Variants in TRAF2 observed in about 807,000 individuals in gnomAD.
TRAF2 encodes the protein TNF receptor associated factor 2.
In TRAF2, 6 loss-of-function variants were observed where a neutral mutation model predicts 55.6. That is an observed-to-expected ratio of 0.11 (90% CI 0.06 to 0.21). TRAF2 has a LOEUF of 0.21. Ranked by LOEUF, TRAF2 falls within the 10% of genes least tolerant of loss-of-function variation. The pLI is 1.00. For synonymous variants in TRAF2, 329 were observed against 276.3 expected, an observed-to-expected ratio of 1.19 and a Z score of -1.89; for missense variants, 561 against 684.5, an observed-to-expected ratio of 0.82 and a Z score of 2.01.
chr9:136,884,806 C>T (rs566805725), upstream of TRAF2, among the ~76,000 whole-genome samples: 1 of 152,364 alleles, frequency 6.6e-6, no homozygotes, highest in Non-Finnish European at 1.5e-5. Flanking sequence ...AAGCGGTCCT[C>T]CTGCCTCAGC....
Position 136,904,836 on chromosome 9 carries a change from G to A in TRAF2, c.367-3234G>A, listed in dbSNP as rs563388395. Among the ~76,000 whole-genome samples, 10 of 148,772 alleles carry A rather than the reference G, an allele frequency of 6.7e-5. No individual in the cohort carries two copies. In the South Asian group the frequency reaches 2.1e-3, roughly 32 times the overall value. ...CTTGATGGTGGCTTGTTACACACTA[G>A]TGTGGCCGAGGGCTGGGTCCTGTCC... On this transcript the variant is annotated intron_variant, in intron 4 of 10. Coordinates refer to ENST00000247668, the MANE Select transcript of TRAF2 (RefSeq NM_021138.4).
chr9:136,894,350 T>C (rs759099897), intron 1 of TRAF2, among the ~76,000 whole-genome samples: 1 of 151,502 alleles, frequency 6.6e-6, no homozygotes, highest in Non-Finnish European at 1.5e-5. Flanking sequence ...TGGCTGGTAG[T>C]GGCCCTTTTT....
chr9:136,923,996 A>G lies in TRAF2; in HGVS notation c.1283A>G (p.Gln428Arg). ...NDALLRWPFN[Q>R]KVTLMLLDQN... ...GCCCTGCTGCGGTGGCCCTTCAACC[A>G]GAAGGTGAGGCCGTCCCTGCAGGCT... Residue 428 changes from glutamine (Q) to arginine (R), a missense_variant, in exon 10 of 11, where the codon CAG (glutamine) becomes CGG (arginine). Gln to Arg is a conservative substitution (Grantham distance 43, BLOSUM62 1). Around this residue, in one of 2 missense-constraint regions of TRAF2, gnomAD observed 135 missense variants for 207.7 expected, o/e 0.65. Transcript: ENST00000247668. The G allele has an allele frequency of 1.2e-6, 2 of 1,613,080 alleles. No individual in the cohort carries two copies. Among genetic ancestry groups the G allele is most frequent in the Non-Finnish European group, 1.7e-6 (2 of 1,179,906 alleles).
At chr9:136,916,438 G>C in intron 6 of TRAF2, 103 bp from the exon 7 acceptor site, 1 of 1,188,262 alleles carries the variant, frequency 8.4e-7, no homozygotes, top group African/African-American at 1.5e-5. Flanking sequence ...GAGGCCAACG[G>C]GGCAGGTCAT....
intron 4 of TRAF2, among the ~76,000 whole-genome samples, chr9:136,905,625 C>T (rs984463063): frequency 3.9e-5 from 6 of 152,208 alleles, no homozygotes; most frequent in African/African-American, 1.4e-4. Flanking sequence ...GAAGAAACAG[C>T]AGATTTTCAA....
At chr9:136,911,313 G>A (rs1349822590) in intron 6 of TRAF2, among the ~76,000 whole-genome samples, 1 of 148,778 alleles carries the variant, frequency 6.7e-6, no homozygotes, top group African/African-American at 2.5e-5. Context: ...TTGTTGCCCA[G>A]GAGTGCAATG....
chr9:136,917,318 AGCTTC>A (rs1850266239), intron 7 of TRAF2, among the ~76,000 whole-genome samples: 1 of 151,938 alleles, frequency 6.6e-6, no homozygotes, highest in African/African-American at 2.4e-5. Flanking sequence ...CGCTGGCCTG[AGCTTC>A]CTTGGGCATG....
intron 7 of TRAF2, among the ~76,000 whole-genome samples, chr9:136,918,251 A>ATATTTATT (rs1554781758): frequency 4.6e-4 from 20 of 43,714 alleles, no homozygotes; most frequent in African/African-American, 2.9e-3. Context: ...ATATATATAT[A>ATATTTATT]TATATATTTA....
At chr9:136,901,568 T>C (rs1849820821) in intron 4 of TRAF2, among the ~76,000 whole-genome samples, 1 of 152,164 alleles carries the variant, frequency 6.6e-6, no homozygotes, top group South Asian at 2.1e-4. Context: ...ATCAGATCCA[T>C]GGGTACAGGA....
upstream of TRAF2, among the ~76,000 whole-genome samples, chr9:136,882,302 A>C (rs1236272412): frequency 1.3e-5 from 2 of 152,234 alleles, no homozygotes; most frequent in African/African-American, 2.4e-5. Context: ...CCTGCTGGGC[A>C]CAGGGCAGAT....
rs1394949461 is a variant in TRAF2, at chr9:136,926,217, G to C, written c.*316G>C. On this transcript the variant is annotated 3_prime_UTR_variant, in exon 11 of 11. Coordinates refer to ENST00000247668, the MANE Select transcript of TRAF2 (RefSeq NM_021138.4). ...CTGTGCAGTGAAGGGAGAGGCCCTG[G>C]GTGGGGGACACTCAGAGTGGGAGCA... 1.2e-5 allele frequency: 6 copies of C among 481,422 alleles called. No homozygotes were observed. Among genetic ancestry groups the C allele is most frequent in the Non-Finnish European group, 2.4e-5 (6 of 253,856 alleles). The allele number at this position is 481,422 out of a possible 1,614,324, so 29.8% of individuals were successfully genotyped here.
chr9:136,890,121 C>G (rs1357869735), intron 1 of TRAF2, among the ~76,000 whole-genome samples: 2 of 142,826 alleles, frequency 1.4e-5, no homozygotes, highest in Non-Finnish European at 1.5e-5. Context: ...GCGTGTGAGT[C>G]CCCACTGCAC....
At chr9:136,904,364 C>T (rs891316132) in intron 4 of TRAF2, among the ~76,000 whole-genome samples, 8 of 152,118 alleles carry the variant, frequency 5.3e-5, no homozygotes, top group African/African-American at 1.7e-4. Context: ...CCCACTGTGC[C>T]CGGCCATTTT....
chr9:136,895,444 T>C (rs1250664088), intron 1 of TRAF2, among the ~76,000 whole-genome samples: 1 of 152,198 alleles, frequency 6.6e-6, no homozygotes, highest in Non-Finnish European at 1.5e-5. Context: ...CCTGGAGGCA[T>C]CAGTCAGGCT....
At chr9:136,904,981 C>T (rs147283781) in intron 4 of TRAF2, among the ~76,000 whole-genome samples, 2 of 152,244 alleles carry the variant, frequency 1.3e-5, no homozygotes, top group East Asian at 1.9e-4. Context: ...TTCCCTGGGG[C>T]GCCTCTAAGG....
Position 136,892,795 on chromosome 9 carries a change from G to A in TRAF2, c.-28-5918G>A, listed in dbSNP as rs372517828. Among the ~76,000 whole-genome samples the A allele has an allele frequency of 5.9e-5, 9 of 152,036 alleles. No individual in the cohort carries two copies. The East Asian group carries it at 7.8e-4, about 13-fold the overall frequency. On this transcript the variant is annotated intron_variant, in intron 1 of 10. Coordinates refer to ENST00000247668, the MANE Select transcript of TRAF2 (RefSeq NM_021138.4). ...CTCGGGAGGCTGAGGCAGGAGAATCGCTTGAACCTGGGAGGCGGAGGTTGC... is the reference window on the plus strand; with the variant it reads ...CTCGGGAGGCTGAGGCAGGAGAATCACTTGAACCTGGGAGGCGGAGGTTGC...
intron 1 of TRAF2, among the ~76,000 whole-genome samples, chr9:136,895,850 G>GA (rs56199191): frequency 6.1e-4 from 81 of 132,898 alleles, no homozygotes; most frequent in Middle Eastern, 3.9e-3. Context: ...TCTGTTTAAG[G>GA]AAAAAAAAAA....
chr9:136,899,122 C>T lies in TRAF2; in HGVS notation c.188+194C>T, dbSNP rs17250176. 9.2e-3 allele frequency among the ~76,000 whole-genome samples: 1,403 copies of T among 152,296 alleles called. 24 individuals carry two copies. The highest frequency in any genetic ancestry group is 0.031 in the African/African-American group (1,290 of 41,542). On this transcript the variant is annotated intron_variant, in intron 2 of 10. Coordinates refer to ENST00000247668, the MANE Select transcript of TRAF2 (RefSeq NM_021138.4). ...AATTTTAAAATAGCAATTTGAAATA[C>T]GATTTTGGATACATGGGGTTAAATA... is the stretch of plus-strand genomic sequence containing the variant.
intron 9 of TRAF2, among the ~76,000 whole-genome samples, chr9:136,922,740 G>C (rs1490338977): frequency 6.9e-6 from 1 of 145,042 alleles, no homozygotes; most frequent in Non-Finnish European, 1.5e-5. Context: ...GGGACGGGGA[G>C]GATGGGCCTG....
Sources: allele counts gnomAD v4.1 joint callset (sites outside exome capture counted in the v4.1 genomes callset), GRCh38; gene constraint gnomAD v4.1.1; regional missense constraint gnomAD v4.1.1; transcripts MANE v1.5; gene names NCBI Gene and HGNC (gene_info 2026-07-23, HGNC 2026-07-21).